Variants in LPAR3 observed in about 807,000 individuals in gnomAD.
LPAR3 encodes the protein LPA receptor 3.
LPAR3 carries 7 observed loss-of-function variants against 17.8 expected under a neutral mutation model. That is an observed-to-expected ratio of 0.39 (90% CI 0.22 to 0.74). LPAR3 has a LOEUF of 0.74. Among genes scored for constraint, LPAR3 ranks in the 30% least tolerant of loss-of-function variants. LPAR3 has a pLI of 0.40. For synonymous variants in LPAR3, 179 were observed against 179.9 expected (o/e 0.99, Z 0.04); for missense variants, 391 against 453.4 (o/e 0.86, Z 1.25).
At chr1:84,837,188 G>GA (rs1158631839) in intron 2 of LPAR3, among the ~76,000 whole-genome samples, 9 of 151,944 alleles carry the variant, frequency 5.9e-5, no homozygotes, top group Non-Finnish European at 1.2e-4. Context: ...CACCCAGCTA[G>GA]TTTTTTGCAT....
At chr1:84,890,468 G>GAACA (rs1660532702) in intron 1 of LPAR3, among the ~76,000 whole-genome samples, 1 of 152,178 alleles carries the variant, frequency 6.6e-6, no homozygotes, top group Admixed American at 6.5e-5. Flanking sequence ...TTAATCTTGG[G>GAACA]AGATGGATAT....
intron 2 of LPAR3, among the ~76,000 whole-genome samples, chr1:84,857,675 T>C (rs1299815009): frequency 6.6e-6 from 1 of 152,186 alleles, no homozygotes; most frequent in Non-Finnish European, 1.5e-5. Context: ...AGATACAAGT[T>C]ATAAACTTCA....
intron 2 of LPAR3, among the ~76,000 whole-genome samples, chr1:84,848,369 T>C (rs529761715): frequency 8.5e-4 from 129 of 152,306 alleles, no homozygotes; most frequent in South Asian, 2.7e-3. Context: ...CAGAATCCAG[T>C]GGTCGGTTCT....
chr1:84,886,581 T>C (rs1206466014), intron 1 of LPAR3, among the ~76,000 whole-genome samples: 1 of 152,094 alleles, frequency 6.6e-6, no homozygotes, highest in East Asian at 1.9e-4. Context: ...AGAGAGTAGA[T>C]TTTAGGTACT....
At chr1:84,842,163 C>T (rs1283059014) in intron 2 of LPAR3, among the ~76,000 whole-genome samples, 4 of 152,306 alleles carry the variant, frequency 2.6e-5, no homozygotes, top group Non-Finnish European at 5.9e-5. Context: ...GTATGAGACA[C>T]TAGTGTTCCT....
intron 2 of LPAR3, among the ~76,000 whole-genome samples, chr1:84,863,094 A>G (rs1257089614): frequency 6.8e-6 from 1 of 147,868 alleles, no homozygotes; most frequent in African/African-American, 2.5e-5. Context: ...TTTGTTTCTT[A>G]AGACAGGCTC....
At chr1:84,818,031 C>G (rs1352757637) in intron 2 of LPAR3, among the ~76,000 whole-genome samples, 1 of 152,168 alleles carries the variant, frequency 6.6e-6, no homozygotes, top group African/African-American at 2.4e-5. Flanking sequence ...GGGTTCCAAT[C>G]CTGGCTCTTC....
At chr1:84,832,992 C>T (rs969113881) in intron 2 of LPAR3, among the ~76,000 whole-genome samples, 11 of 152,070 alleles carry the variant, frequency 7.2e-5, no homozygotes, top group Admixed American at 5.9e-4. Context: ...AATTGTTAAT[C>T]AGTGAAGAAA....
At chr1:84,839,111 A>G (rs981938447) in intron 2 of LPAR3, among the ~76,000 whole-genome samples, 6 of 152,214 alleles carry the variant, frequency 3.9e-5, no homozygotes, top group African/African-American at 1.4e-4. Flanking sequence ...GGTAGGTATT[A>G]TCATGGTCTC....
chr1:84,885,535 T>C (rs750159218), intron 1 of LPAR3, among the ~76,000 whole-genome samples: 2 of 152,250 alleles, frequency 1.3e-5, no homozygotes, highest in Non-Finnish European at 2.9e-5. Flanking sequence ...CCTATTTTCT[T>C]TCTTCCTTTC....
intron 1 of LPAR3, among the ~76,000 whole-genome samples, chr1:84,878,903 C>A (rs1157274635): frequency 6.6e-6 from 1 of 152,194 alleles, no homozygotes; most frequent in Non-Finnish European, 1.5e-5. Context: ...TTACCTGAGG[C>A]CTAGTCCTGA....
At chr1:84,866,202 G>A (rs1660046298) in intron 1 of LPAR3, 64 bp from the exon 2 acceptor site, 2 of 1,300,774 alleles carry the variant, frequency 1.5e-6, no homozygotes, top group Non-Finnish European at 2.1e-6. Context: ...GCCATCAATT[G>A]CTGTTTCTAA....
intron 1 of LPAR3, among the ~76,000 whole-genome samples, chr1:84,883,778 T>C (rs1660407899): frequency 6.6e-6 from 1 of 152,056 alleles, no homozygotes; most frequent in Admixed American, 6.5e-5. Context: ...AAGCAGTCTC[T>C]GCCACCTGAC....
chr1:84,869,568 AATTT>A (rs1660119648), intron 1 of LPAR3, among the ~76,000 whole-genome samples: 1 of 152,170 alleles, frequency 6.6e-6, no homozygotes, highest in Non-Finnish European at 1.5e-5. Flanking sequence ...ACATAACAAA[AATTT>A]ATTTGTGTTG....
intron 1 of LPAR3, among the ~76,000 whole-genome samples, chr1:84,884,331 G>A (rs184847573): frequency 3.9e-5 from 6 of 152,158 alleles, no homozygotes; most frequent in South Asian, 4.1e-4. Flanking sequence ...TACCCTTTCC[G>A]CAGAAAGTAA....
At position 84,878,019 on chromosome 1, in the gene LPAR3, T is replaced by TG. The variant is rs1052236301; in HGVS notation, c.-18-11882dup. ...GAAGAAAGCAAGTATAGGGTATTCT[T>TG]GAAAAAAAAAAAGGCTGAGAAATAC... On this transcript the variant is annotated intron_variant, in intron 1 of 2. Coordinates refer to ENST00000370611, the MANE Select transcript of LPAR3 (RefSeq NM_012152.3). 3.3e-4 allele frequency among the ~76,000 whole-genome samples: 35 copies of TG among 106,352 alleles called. 1 individual carries two copies. Among genetic ancestry groups the TG allele is most frequent in the Admixed American group, 9.1e-4 (10 of 11,022 alleles). The allele number at this position is 106,352 out of a possible 152,430, so 69.8% of individuals were successfully genotyped here.
Position 84,813,835 on chromosome 1 carries a change from G to T in LPAR3, c.*11C>A. The stretch of plus-strand genomic sequence containing the variant: ...AGAGGAGGCCTGGGTGGGCCGAGAG[G>T]CATCCAGAGTTTAGGAAGTGCTTTT... On this transcript the variant is annotated 3_prime_UTR_variant, in exon 3 of 3. Coordinates refer to ENST00000370611, the MANE Select transcript of LPAR3 (RefSeq NM_012152.3). 1 of 1,606,566 alleles carries T rather than the reference G, an allele frequency of 6.2e-7. No homozygotes were observed.
intron 1 of LPAR3, among the ~76,000 whole-genome samples, chr1:84,884,236 T>C (rs1271381203): frequency 6.6e-6 from 1 of 152,232 alleles, no homozygotes; most frequent in African/African-American, 2.4e-5. Flanking sequence ...GACACAGCAG[T>C]GAGGACAACC....
intron 2 of LPAR3, among the ~76,000 whole-genome samples, chr1:84,852,778 G>T (rs1427357780): frequency 6.6e-6 from 1 of 152,098 alleles, no homozygotes; most frequent in Non-Finnish European, 1.5e-5. Flanking sequence ...AGGAACAGAA[G>T]GAGGAAGACA....
Sources: gnomAD v4.1 joint callset for allele counts (sites outside exome capture counted in the v4.1 genomes callset) on GRCh38, gnomAD v4.1.1 for gene constraint, MANE v1.5 for transcripts, NCBI Gene and HGNC (gene_info 2026-07-23, HGNC 2026-07-21) for gene names.